The following GLCE variants were observed in gnomAD, a reference collection of about 807,000 sequenced individuals.
GLCE encodes the protein glucuronic acid epimerase.
GLCE carries 19 observed loss-of-function variants against 47.9 expected under a neutral mutation model. The observed-to-expected ratio is 0.40, with a 90% CI of 0.28 to 0.58. GLCE has a LOEUF of 0.58. Ranked by LOEUF, GLCE falls within the 20% of genes least tolerant of loss-of-function variation. GLCE has a pLI of 0.48. For missense variants in GLCE, 556 were observed against 743.3 expected, an observed-to-expected ratio of 0.75 and a Z score of 2.93; for synonymous variants, 245 against 263.4, an observed-to-expected ratio of 0.93 and a Z score of 0.68.
At chr15:69,212,337 T>C (rs186208191) in intron 2 of GLCE, among the ~76,000 whole-genome samples, 13 of 152,116 alleles carry the variant, frequency 8.5e-5, no homozygotes, top group African/African-American at 3.1e-4. Context: ...TGTGTTCTAG[T>C]TGTGGTACTT....
chr15:69,220,138 C>T (rs969960054), intron 2 of GLCE, among the ~76,000 whole-genome samples: 1 of 151,996 alleles, frequency 6.6e-6, no homozygotes, highest in Non-Finnish European at 1.5e-5. Context: ...TCTTGGGTTG[C>T]TTGCACATTT....
chr15:69,252,295 G>T (rs1022433077), intron 2 of GLCE, among the ~76,000 whole-genome samples: 3 of 152,154 alleles, frequency 2.0e-5, no homozygotes, highest in Non-Finnish European at 2.9e-5. Context: ...TCACAATTCT[G>T]CAGGCTATAC....
chr15:69,241,574 A>G (rs574545920), intron 2 of GLCE, among the ~76,000 whole-genome samples: 4 of 152,334 alleles, frequency 2.6e-5, no homozygotes, highest in African/African-American at 9.6e-5. Context: ...AATTTTCAGA[A>G]TTGCCTAAGA....
intron 1 of GLCE, among the ~76,000 whole-genome samples, chr15:69,167,395 C>A (rs1022607769): frequency 6.6e-6 from 1 of 152,214 alleles, no homozygotes; most frequent in Non-Finnish European, 1.5e-5. Flanking sequence ...TGGATCATGA[C>A]ACATGGAGAC....
rs1316420098 is a variant in GLCE at position 69,171,018 on chromosome 15, TAC to T, written c.-105+10263_-105+10264del. On this transcript the variant is annotated intron_variant, in intron 1 of 4. Transcript: ENST00000261858. ...TTTTAGGATTCATTTGCTTGACAGT[TAC>T]AGTTTTTGCAGAATTCCTCTGACTA... Among the ~76,000 whole-genome samples the T allele has an allele frequency of 5.9e-5, 9 of 152,346 alleles. No individual in the cohort carries two copies. In the South Asian group the frequency reaches 1.0e-3, roughly 18 times the overall value.
At position 69,271,325 on chromosome 15, in the gene GLCE, G is replaced by A. The variant is rs2053164222; in HGVS notation, c.*2081G>A. 1 of 152,624 alleles carries A rather than the reference G, an allele frequency of 6.6e-6. No homozygotes were observed. Among genetic ancestry groups the A allele is most frequent in the Admixed American group, 6.6e-5 (1 of 15,266 alleles). 9.5% of individuals were successfully genotyped at this position (152,624 alleles called of 1,614,324 possible). On this transcript the variant is annotated 3_prime_UTR_variant, in exon 5 of 5. Coordinates refer to ENST00000261858, the MANE Select transcript of GLCE (RefSeq NM_015554.3). ...AGCAGCATTGTCAGTACAGACCAGT[G>A]GTTCTCAAACTTTAAAATGCCTCAG...
At chr15:69,240,369 G>A (rs2052652949) in intron 2 of GLCE, among the ~76,000 whole-genome samples, 1 of 151,400 alleles carries the variant, frequency 6.6e-6, no homozygotes, top group African/African-American at 2.4e-5. Context: ...TAAAAATACA[G>A]GAATGTTGCA....
chr15:69,207,393 C>A (rs1183319359), intron 1 of GLCE, among the ~76,000 whole-genome samples: 3 of 152,070 alleles, frequency 2.0e-5, no homozygotes, highest in African/African-American at 7.2e-5. Context: ...TTTCTCCATG[C>A]ATCCCCTTTG....
chr15:69,215,587 T>C (rs1377492542), intron 2 of GLCE, among the ~76,000 whole-genome samples: 1 of 151,856 alleles, frequency 6.6e-6, no homozygotes, highest in East Asian at 1.9e-4. Flanking sequence ...TATACATAAG[T>C]TTTCATTTCA....
intron 1 of GLCE, among the ~76,000 whole-genome samples, chr15:69,170,310 T>C (rs1052125946): frequency 2.0e-5 from 3 of 151,730 alleles, no homozygotes; most frequent in African/African-American, 4.8e-5. Context: ...GCCTCAGATG[T>C]CTTGTAAGGT....
At chr15:69,169,000 A>G (rs1010176747) in intron 1 of GLCE, among the ~76,000 whole-genome samples, 3 of 152,030 alleles carry the variant, frequency 2.0e-5, no homozygotes, top group African/African-American at 7.3e-5. Context: ...TCCCTCCTGT[A>G]CTCTCTTAGT....
chr15:69,232,899 A>G (rs887683308), intron 2 of GLCE, among the ~76,000 whole-genome samples: 63 of 152,338 alleles, frequency 4.1e-4, no homozygotes, highest in African/African-American at 1.5e-3. Context: ...GATTAGTCCA[A>G]TGTCATAGAC....
chr15:69,206,498 C>A (rs966007471), intron 1 of GLCE, among the ~76,000 whole-genome samples: 1 of 151,942 alleles, frequency 6.6e-6, no homozygotes, highest in Non-Finnish European at 1.5e-5. Context: ...TGTAAGTAAG[C>A]CTTTGTCCCT....
intron 1 of GLCE, among the ~76,000 whole-genome samples, chr15:69,193,708 C>T (rs1457084320): frequency 6.6e-6 from 1 of 151,938 alleles, no homozygotes; most frequent in Non-Finnish European, 1.5e-5. Context: ...TCTCAGATGT[C>T]AATCCTGTGC....
chr15:69,260,286 G>GT (rs1463853103), intron 3 of GLCE, among the ~76,000 whole-genome samples: 1 of 113,622 alleles, frequency 8.8e-6, no homozygotes, highest in African/African-American at 3.4e-5. Context: ...TTGAGACAGA[G>GT]TCTTGCTCCA....
chr15:69,174,921 A>G (rs2051640732), intron 1 of GLCE, among the ~76,000 whole-genome samples: 1 of 152,118 alleles, frequency 6.6e-6, no homozygotes, highest in African/African-American at 2.4e-5. Flanking sequence ...CAGTTTGGTA[A>G]TCTATTAGTA....
intron 1 of GLCE, among the ~76,000 whole-genome samples, chr15:69,206,825 G>A (rs2052158791): frequency 6.6e-6 from 1 of 152,022 alleles, no homozygotes; most frequent in Non-Finnish European, 1.5e-5. Flanking sequence ...ACTTGTTGAT[G>A]CAGGGGTATC....
At chr15:69,166,908 CAAAAAAAAAAA>C (rs34522584) in intron 1 of GLCE, among the ~76,000 whole-genome samples, 3 of 42,450 alleles carry the variant, frequency 7.1e-5, no homozygotes, top group African/African-American at 9.5e-5. Flanking sequence ...GACTCTGTCT[CAAAAAAAAAAA>C]AAAAAAAAAA....
intron 1 of GLCE, among the ~76,000 whole-genome samples, chr15:69,190,978 C>T (rs2051903524): frequency 6.6e-6 from 1 of 152,100 alleles, no homozygotes; most frequent in African/African-American, 2.4e-5. Context: ...ATATCTTTAA[C>T]TTACACCGTG....
Sources: gnomAD v4.1 joint callset for allele counts (sites outside exome capture counted in the v4.1 genomes callset) on GRCh38, gnomAD v4.1.1 for gene constraint, MANE v1.5 for transcripts, NCBI Gene and HGNC (gene_info 2026-07-23, HGNC 2026-07-21) for gene names.